Variants in CRACR2A observed in about 807,000 individuals in gnomAD.
The protein encoded by CRACR2A is calcium release activated channel regulator 2A, also known as EF-hand calcium-binding domain-containing protein 4B.
A neutral mutation model predicts 90.5 loss-of-function variants in CRACR2A; 79 were observed. The ratio of observed to expected loss-of-function variants is 0.87; its 90% confidence interval spans 0.73 to 1.05. CRACR2A has a LOEUF of 1.05. Among genes scored for constraint, CRACR2A ranks in the 50% least tolerant of loss-of-function variants. The pLI is 0.00. For synonymous variants in CRACR2A, 338 were observed against 356.7 expected (o/e 0.95, Z 0.59); for missense variants, 823 against 897.2 (o/e 0.92, Z 1.06).
chr12:3,675,573 T>C (rs1945321897), intron 6 of CRACR2A, among the ~76,000 whole-genome samples: 3 of 152,218 alleles, frequency 2.0e-5, no homozygotes, highest in Admixed American at 1.3e-4. Flanking sequence ...TAAATGTTTA[T>C]ACTATTATGA....
intron 10 of CRACR2A, among the ~76,000 whole-genome samples, chr12:3,653,605 T>C (rs11062753): frequency 0.4 from 61,472 of 151,970 alleles, 13,541 homozygotes; most frequent in Middle Eastern, 0.58. Context: ...GGCTGGACGA[T>C]ATTGGCAGGT....
chr12:3,638,982 T>G (rs959974920), intron 13 of CRACR2A, among the ~76,000 whole-genome samples: 2 of 152,170 alleles, frequency 1.3e-5, no homozygotes, highest in Non-Finnish European at 2.9e-5. Flanking sequence ...CTTCAGACCT[T>G]GCTGTAAAAC....
intron 4 of CRACR2A, among the ~76,000 whole-genome samples, chr12:3,691,008 T>C (rs1286244303): frequency 6.6e-6 from 1 of 152,224 alleles, no homozygotes; most frequent in East Asian, 1.9e-4. Context: ...GCCTGCTAGA[T>C]TTTTCTCCAT....
In CRACR2A at chr12:3,641,662, G is replaced by A. The variant is rs1944574345; in HGVS notation, c.1271+70C>T. 9 of 1,404,404 alleles carry A rather than the reference G, an allele frequency of 6.4e-6. No individual in the cohort carries two copies. The South Asian group carries it at 9.9e-5, about 16-fold the overall frequency. 87.0% of individuals were successfully genotyped at this position (1,404,404 alleles called of 1,614,324 possible). A position where few individuals can be genotyped will look rare whatever the true frequency, so the allele number is the denominator to read the frequency against. On this transcript the variant is annotated intron_variant, in intron 13 of 19. Coordinates refer to ENST00000440314, the MANE Select transcript of CRACR2A (RefSeq NM_001144958.2). ...CTCTCAAGGGGTCAGCAGGCACTGA[G>A]TATGGGCCCAGAGCCAGCTCCCAAT...
At chr12:3,735,558 A>C (rs1226781066) in intron 1 of CRACR2A, among the ~76,000 whole-genome samples, 1 of 152,220 alleles carries the variant, frequency 6.6e-6, no homozygotes, top group Non-Finnish European at 1.5e-5. Flanking sequence ...GTACTAACCC[A>C]TTTAATCCTC....
chr12:3,701,004 T>C (rs1008828002), intron 3 of CRACR2A, among the ~76,000 whole-genome samples: 2 of 152,152 alleles, frequency 1.3e-5, no homozygotes, highest in Admixed American at 6.5e-5. Flanking sequence ...TTGTACAAAG[T>C]ATGTACTCTG....
intron 7 of CRACR2A, chr12:3,672,597 T>C (rs755076276): frequency 4.6e-5 from 11 of 238,480 alleles, no homozygotes; most frequent in Non-Finnish European, 5.4e-5. Flanking sequence ...TCTAAGTCCA[T>C]GTTCATAAAA....
intron 1 of CRACR2A, among the ~76,000 whole-genome samples, chr12:3,750,610 T>C (rs7976601): frequency 0.25 from 38,324 of 152,206 alleles, 6,101 homozygotes; most frequent in Middle Eastern, 0.44. Flanking sequence ...TAAGGTATCA[T>C]GGCAAGTGCC....
At chr12:3,742,436 A>C (rs1205505961) in intron 1 of CRACR2A, among the ~76,000 whole-genome samples, 1 of 152,176 alleles carries the variant, frequency 6.6e-6, no homozygotes, top group African/African-American at 2.4e-5. Context: ...GACCTTCCAG[A>C]GCACATGCAG....
At chr12:3,721,359 C>T (rs1167628153) in intron 2 of CRACR2A, among the ~76,000 whole-genome samples, 1 of 131,368 alleles carries the variant, frequency 7.6e-6, no homozygotes, top group African/African-American at 3.0e-5. Flanking sequence ...CATAGCAAGA[C>T]CCCGTCTCTA....
At chr12:3,734,229 A>C (rs188761510) in intron 1 of CRACR2A, among the ~76,000 whole-genome samples, 2 of 151,782 alleles carry the variant, frequency 1.3e-5, no homozygotes, top group East Asian at 1.9e-4. Flanking sequence ...TGCCCGCCTC[A>C]GCCTCCCAAA....
chr12:3,620,987 C>G (rs1944119141), intron 17 of CRACR2A, among the ~76,000 whole-genome samples: 1 of 152,162 alleles, frequency 6.6e-6, no homozygotes, highest in African/African-American at 2.4e-5. Flanking sequence ...CTCCTCTGAC[C>G]GTGCTGTGCC....
At chr12:3,667,730 A>G (rs967017398) in intron 7 of CRACR2A, among the ~76,000 whole-genome samples, 1 of 152,224 alleles carries the variant, frequency 6.6e-6, no homozygotes, top group Non-Finnish European at 1.5e-5. Context: ...AGCTCTCACT[A>G]GAAAAATCCT....
At chr12:3,749,831 G>A (rs1946679789) in intron 1 of CRACR2A, among the ~76,000 whole-genome samples, 1 of 124,996 alleles carries the variant, frequency 8.0e-6, no homozygotes, top group South Asian at 2.3e-4. Context: ...GTGTGTGTGT[G>A]TGTGTGTGTG....
chr12:3,634,120 A>G (rs1944420169), intron 14 of CRACR2A, among the ~76,000 whole-genome samples: 1 of 151,982 alleles, frequency 6.6e-6, no homozygotes, highest in Non-Finnish European at 1.5e-5. Context: ...TGGCTTCAAG[A>G]GGGGGCAGGA....
intron 3 of CRACR2A, among the ~76,000 whole-genome samples, chr12:3,706,513 A>G (rs73033609): frequency 0.11 from 16,806 of 152,234 alleles, 1,061 homozygotes; most frequent in Middle Eastern, 0.17. Context: ...AGTTAGCTGT[A>G]TGACTCTGGC....
chr12:3,668,575 G>C (rs1251586765), intron 7 of CRACR2A, among the ~76,000 whole-genome samples: 1 of 152,160 alleles, frequency 6.6e-6, no homozygotes, highest in Admixed American at 6.5e-5. Context: ...GGCTTTATTT[G>C]CTGCCCTATC....
intron 3 of CRACR2A, among the ~76,000 whole-genome samples, chr12:3,708,977 C>A (rs1945971333): frequency 6.6e-6 from 1 of 152,204 alleles, no homozygotes; most frequent in Non-Finnish European, 1.5e-5. Flanking sequence ...TTATGATGTT[C>A]CAACTCTTTC....
At chr12:3,631,085 G>A (rs1284636303) in intron 15 of CRACR2A, among the ~76,000 whole-genome samples, 1 of 152,194 alleles carries the variant, frequency 6.6e-6, no homozygotes, top group Non-Finnish European at 1.5e-5. Flanking sequence ...CAGCCTGCAG[G>A]TGGCTGGTGT....
Sources: gnomAD v4.1 joint callset for allele counts (sites outside exome capture counted in the v4.1 genomes callset) on GRCh38, gnomAD v4.1.1 for gene constraint, MANE v1.5 for transcripts, NCBI Gene and HGNC (gene_info 2026-07-23, HGNC 2026-07-21) for gene names.